The following MAPK14 variants were observed in gnomAD, a reference collection of about 807,000 sequenced individuals.
MAPK14 encodes the protein CSAID-binding protein.
MAPK14 carries 16 observed loss-of-function variants against 49.6 expected under a neutral mutation model. The observed-to-expected ratio is 0.32, with a 90% CI of 0.22 to 0.49. The LOEUF (loss-of-function observed/expected upper bound fraction) is 0.49, where lower values mean the gene tolerates loss of function less well. Ranked by LOEUF, MAPK14 falls within the 20% of genes least tolerant of loss-of-function variation. The pLI, the probability that MAPK14 is intolerant of heterozygous loss-of-function variation, is 0.99. For synonymous variants in MAPK14, 142 were observed against 158.0 expected (o/e 0.90, Z 0.76); for missense variants, 200 against 441.2 (o/e 0.45, Z 4.90).
chr6:36,073,586 T>G, intron 4 of MAPK14, 105 bp from the exon 5 acceptor site: 1 of 826,746 alleles, frequency 1.2e-6, no homozygotes, highest in Non-Finnish European at 2.0e-6. Flanking sequence ...AATCTTACTA[T>G]TAACACTAGC....
chr6:36,073,454 A>T (rs953770827), intron 4 of MAPK14, among the ~76,000 whole-genome samples: 5 of 152,232 alleles, frequency 3.3e-5, no homozygotes, highest in African/African-American at 1.2e-4. Flanking sequence ...TTGAGTCCTT[A>T]TTGAGCTCCA....
At chr6:36,052,912 G>A (rs1025941305) in intron 2 of MAPK14, 84 bp downstream of exon 2, 10 of 1,243,240 alleles carry the variant, frequency 8.0e-6, no homozygotes, top group African/African-American at 7.6e-5. Flanking sequence ...ATGGAAATAC[G>A]CTGGAGTGCA....
intron 6 of MAPK14, among the ~76,000 whole-genome samples, chr6:36,074,736 C>T (rs1430518959): frequency 6.6e-6 from 1 of 151,904 alleles, no homozygotes; most frequent in Admixed American, 6.6e-5. Context: ...CTGCCTCAGC[C>T]TCCCGAGTAG....
rs1268130777 is a variant in MAPK14, at chr6:36,028,224, C to T, written c.67C>T (p.Arg23Cys). Residue 23 changes from arginine (R) to cysteine (C), a missense_variant, in exon 1 of 12, where the codon CGT (arginine) becomes TGT (cysteine). Physicochemically the swap from Arg to Cys is radical, Grantham distance 180 (BLOSUM62 -3). Transcript: ENST00000229794. The surrounding 1 kb of genome is among the most constrained non-coding windows in gnomAD (Gnocchi z 5.1). ...LNKTIWEVPE[R>C]YQNLSPVGSG... The stretch of plus-strand genomic sequence containing the variant: ...CAAGACAATCTGGGAGGTGCCCGAG[C>T]GTTACCAGAACCTGTCTCCAGTGGG... The T allele has an allele frequency of 3.7e-6, 6 of 1,613,890 alleles. No homozygotes were observed. The East Asian group carries it at 8.9e-5, about 24-fold the overall frequency.
At position 36,064,277 on chromosome 6, in the gene MAPK14, C is replaced by CA. The variant is rs1554181541; in HGVS notation, c.305+4930_305+4931insA. ...ACAGATATGAGCCACCATGCCCCCC[C>CA]CCACCCCTTTTTCTTAACTGTAGTG... On this transcript the variant is annotated intron_variant, in intron 3 of 11. Transcript: ENST00000229794. 3.2e-5 allele frequency among the ~76,000 whole-genome samples: 4 copies of CA among 125,758 alleles called. No homozygotes were observed. In the Admixed American group the frequency reaches 3.7e-4, roughly 12 times the overall value. 82.5% of individuals were successfully genotyped at this position (125,758 alleles called of 152,430 possible). A position where few individuals can be genotyped will look rare whatever the true frequency, so the allele number is the denominator to read the frequency against.
intron 3 of MAPK14, among the ~76,000 whole-genome samples, chr6:36,069,453 A>C (rs921990383): frequency 4.6e-5 from 7 of 152,204 alleles, no homozygotes; most frequent in Non-Finnish European, 1.0e-4. Context: ...CCTGGAAACA[A>C]GTATAGTGAT....
chr6:36,066,337 T>C (rs1764056586), intron 3 of MAPK14, among the ~76,000 whole-genome samples: 1 of 152,194 alleles, frequency 6.6e-6, no homozygotes, highest in Non-Finnish European at 1.5e-5. Flanking sequence ...GAGTAAATAT[T>C]GTGTTAAGTT....
At chr6:36,055,884 A>T in intron 2 of MAPK14, among the ~76,000 whole-genome samples, 1 of 152,120 alleles carries the variant, frequency 6.6e-6, no homozygotes, top group Non-Finnish European at 1.5e-5. Context: ...TATGATTAAT[A>T]TTCATAAGTA....
chr6:36,080,014 G>A (rs1764689114), intron 8 of MAPK14, among the ~76,000 whole-genome samples: 1 of 151,814 alleles, frequency 6.6e-6, no homozygotes, highest in South Asian at 2.1e-4. Context: ...CATGATCTTG[G>A]CTCACTACAA....
intron 1 of MAPK14, among the ~76,000 whole-genome samples, chr6:36,029,587 C>T (rs946272470): frequency 1.5e-4 from 23 of 152,046 alleles, no homozygotes; most frequent in African/African-American, 5.6e-4. Flanking sequence ...GGAACAAATT[C>T]CAGGCTTTTG....
At chr6:36,086,080 G>A (rs566987290) in intron 8 of MAPK14, among the ~76,000 whole-genome samples, 5 of 152,084 alleles carry the variant, frequency 3.3e-5, no homozygotes, top group African/African-American at 1.2e-4. Flanking sequence ...TGAAATTAAG[G>A]CGGAAATCAG....
intron 8 of MAPK14, among the ~76,000 whole-genome samples, chr6:36,081,548 A>G (rs1013247680): frequency 3.3e-5 from 5 of 152,102 alleles, no homozygotes; most frequent in South Asian, 2.1e-4. Flanking sequence ...ATAATTAGCA[A>G]TACACGTGTG....
rs571810228 is a variant in MAPK14 at position 36,102,501 on chromosome 6, A to G, written c.763-70A>G. 136 of 1,184,046 alleles carry G rather than the reference A, an allele frequency of 1.1e-4. No individual in the cohort carries two copies. The East Asian group carries it at 2.9e-3, about 26-fold the overall frequency. 73.3% of individuals were successfully genotyped at this position (1,184,046 alleles called of 1,614,324 possible). On this transcript the variant is annotated intron_variant, in intron 9 of 11. Transcript: ENST00000229794. ...CAGTTAACACTCGTTCCTTAGCAGGACCAAGATTCTTTCTTTGAGAGCAGT... is the reference window on the plus strand; with the variant it reads ...CAGTTAACACTCGTTCCTTAGCAGGGCCAAGATTCTTTCTTTGAGAGCAGT...
At chr6:36,071,323 G>C (rs1301102290) in intron 3 of MAPK14, among the ~76,000 whole-genome samples, 1 of 150,880 alleles carries the variant, frequency 6.6e-6, no homozygotes, top group Non-Finnish European at 1.5e-5. Context: ...ACAGAGCAAG[G>C]CTCTGTCTCA....
At chr6:36,057,976 T>C (rs1426980133) in intron 2 of MAPK14, among the ~76,000 whole-genome samples, 5 of 152,134 alleles carry the variant, frequency 3.3e-5, no homozygotes, top group Non-Finnish European at 7.4e-5. Context: ...TAGAAATGAA[T>C]GGCCTGGGTT....
intron 3 of MAPK14, among the ~76,000 whole-genome samples, chr6:36,065,764 A>G (rs1332941669): frequency 6.6e-6 from 1 of 152,172 alleles, no homozygotes; most frequent in African/African-American, 2.4e-5. Flanking sequence ...CTCCCCACAC[A>G]AACACATTCC....
intron 9 of MAPK14, chr6:36,097,040 G>A (rs1177215724): frequency 6.6e-6 from 1 of 152,214 alleles, no homozygotes; most frequent in Non-Finnish European, 1.5e-5. Context: ...GCCTAGTTGG[G>A]AAGATGGCTG....
At position 36,084,366 on chromosome 6, in the gene MAPK14, G is replaced by T. The variant is rs543814431; in HGVS notation, c.682+7758G>T. Among the ~76,000 whole-genome samples, 4 of 152,330 alleles carry T rather than the reference G, an allele frequency of 2.6e-5. No individual in the cohort carries two copies. The East Asian group carries it at 7.7e-4, about 29-fold the overall frequency. On this transcript the variant is annotated intron_variant, in intron 8 of 11. Coordinates refer to ENST00000229794, the MANE Select transcript of MAPK14 (RefSeq NM_139012.3). The stretch of plus-strand genomic sequence containing the variant: ...GGCTGAGATGGATGAATTGACAGAA[G>T]TAGACTTCCGAAGGTGGATAATAAT...
chr6:36,060,725 G>A (rs1763785850), intron 3 of MAPK14, among the ~76,000 whole-genome samples: 1 of 152,126 alleles, frequency 6.6e-6, no homozygotes, highest in Non-Finnish European at 1.5e-5. Context: ...CTAAGGAAAG[G>A]GAGAAAGAAA....
Sources: gnomAD v4.1 joint callset for allele counts (sites outside exome capture counted in the v4.1 genomes callset) on GRCh38, gnomAD v4.1.1 for gene constraint, Gnocchi (gnomAD v3.1) non-coding constraint, MANE v1.5 for transcripts, NCBI Gene and HGNC (gene_info 2026-07-23, HGNC 2026-07-21) for gene names.